SLC35F3: variants seen among roughly 807,000 people sequenced by gnomAD.
SLC35F3 encodes the protein putative thiamine transporter SLC35F3.
SLC35F3 carries 25 observed loss-of-function variants against 49.9 expected under a neutral mutation model. The observed-to-expected ratio is 0.50, with a 90% CI of 0.37 to 0.70. SLC35F3 has a LOEUF of 0.70. Among genes scored for constraint, SLC35F3 ranks in the 30% least tolerant of loss-of-function variants. The pLI is 0.00. For missense variants in SLC35F3, 525 were observed against 639.8 expected, an observed-to-expected ratio of 0.82 and a Z score of 1.94; for synonymous variants, 275 against 265.4, an observed-to-expected ratio of 1.04 and a Z score of -0.35.
intron 2 of SLC35F3, among the ~76,000 whole-genome samples, chr1:234,119,153 T>G (rs920545446): frequency 1.6e-4 from 25 of 151,950 alleles, no homozygotes; most frequent in African/African-American, 5.8e-4. Flanking sequence ...ATGGCAGGGG[T>G]GGGGTGTGTA....
At chr1:234,150,776 G>T (rs1247322825) in intron 2 of SLC35F3, among the ~76,000 whole-genome samples, 1 of 152,200 alleles carries the variant, frequency 6.6e-6, no homozygotes, top group African/African-American at 2.4e-5. Context: ...AAAACCCGAT[G>T]AAAATATATT....
At chr1:234,099,871 T>C (rs1351070773) in intron 2 of SLC35F3, among the ~76,000 whole-genome samples, 1 of 152,214 alleles carries the variant, frequency 6.6e-6, no homozygotes, top group Non-Finnish European at 1.5e-5. Context: ...GTGAGTTTGA[T>C]ATTGCAAGCC....
intron 2 of SLC35F3, among the ~76,000 whole-genome samples, chr1:234,184,716 A>T (rs1666608753): frequency 6.6e-6 from 1 of 152,108 alleles, no homozygotes. Flanking sequence ...GGAACTGAGG[A>T]CTCAGCTCCG....
chr1:234,239,623 T>C lies in SLC35F3; in HGVS notation c.608+7882T>C, dbSNP rs186452318. Reference sequence around the variant, plus strand: ...CCTGTGCTCTGCAGCCTCAGACCTCTCCAGAAATACTACTAGGAAAGAAGT... The same window carrying C: ...CCTGTGCTCTGCAGCCTCAGACCTCCCCAGAAATACTACTAGGAAAGAAGT... On this transcript the variant is annotated intron_variant, in intron 3 of 7. Coordinates refer to ENST00000366618, the MANE Select transcript of SLC35F3 (RefSeq NM_173508.4). Among the ~76,000 whole-genome samples, 38 of 152,334 alleles carry C rather than the reference T, an allele frequency of 2.5e-4. 1 individual carries two copies. The highest frequency in any genetic ancestry group is 7.7e-4 in the African/African-American group (32 of 41,580).
At chr1:234,002,379 T>C (rs1663567108) in intron 2 of SLC35F3, among the ~76,000 whole-genome samples, 2 of 152,184 alleles carry the variant, frequency 1.3e-5, no homozygotes, top group Non-Finnish European at 2.9e-5. Flanking sequence ...TCATGTCCCC[T>C]TAGATTCCTC....
chr1:234,140,002 A>AATAAAATAAATAAAATAAAAAAAT, intron 2 of SLC35F3, among the ~76,000 whole-genome samples: 1 of 105,364 alleles, frequency 9.5e-6, no homozygotes, highest in Non-Finnish European at 2.4e-5. Flanking sequence ...AATAAAATAA[A>AATAAAATAAATAAAATAAAAAAAT]GTAAGTGACT....
chr1:234,104,922 T>C (rs1362856598), intron 2 of SLC35F3, among the ~76,000 whole-genome samples: 1 of 151,864 alleles, frequency 6.6e-6, no homozygotes, highest in African/African-American at 2.4e-5. Flanking sequence ...CGGGGTCAGG[T>C]GTTTGAGACC....
At chr1:233,930,278 T>C (rs192333206) in intron 2 of SLC35F3, among the ~76,000 whole-genome samples, 3 of 152,080 alleles carry the variant, frequency 2.0e-5, no homozygotes, top group Admixed American at 2.0e-4. Flanking sequence ...GGATGTAGAG[T>C]TATTTATTCT....
At chr1:234,278,634 G>A (rs1668253743) in intron 3 of SLC35F3, among the ~76,000 whole-genome samples, 2 of 152,304 alleles carry the variant, frequency 1.3e-5, no homozygotes, top group South Asian at 2.1e-4. Context: ...CATAGACTGG[G>A]TGGCTTTGAC....
intron 3 of SLC35F3, among the ~76,000 whole-genome samples, chr1:234,296,923 AT>A (rs1475521945): frequency 6.6e-6 from 1 of 152,172 alleles, no homozygotes; most frequent in African/African-American, 2.4e-5. Flanking sequence ...TTGAACTTAC[AT>A]TTTCTTTTAA....
intron 2 of SLC35F3, among the ~76,000 whole-genome samples, chr1:234,019,285 A>G (rs1287216855): frequency 1.3e-5 from 2 of 151,900 alleles, no homozygotes; most frequent in African/African-American, 4.8e-5. Flanking sequence ...GTCTGAGGTC[A>G]CTCCCTATAT....
At chr1:234,081,262 A>G (rs915827022) in intron 2 of SLC35F3, among the ~76,000 whole-genome samples, 19 of 152,266 alleles carry the variant, frequency 1.2e-4, no homozygotes, top group African/African-American at 4.6e-4. Context: ...ACATTTTATC[A>G]TAGATCTAAT....
chr1:234,053,245 G>A (rs2102858615), intron 2 of SLC35F3, among the ~76,000 whole-genome samples: 1 of 152,280 alleles, frequency 6.6e-6, no homozygotes, highest in African/African-American at 2.4e-5. Context: ...GGGTGTTAAA[G>A]TCTCCCATTA....
intron 2 of SLC35F3, among the ~76,000 whole-genome samples, chr1:233,994,495 G>A (rs1389862509): frequency 2.6e-5 from 4 of 152,094 alleles, no homozygotes; most frequent in East Asian, 1.9e-4. Flanking sequence ...TAGGAACACC[G>A]GCCTGTTTTC....
intron 2 of SLC35F3, among the ~76,000 whole-genome samples, chr1:234,133,510 A>G (rs1665763497): frequency 6.6e-6 from 1 of 152,218 alleles, no homozygotes; most frequent in Admixed American, 6.5e-5. Context: ...GATGACCAAC[A>G]GAGGCATCTG....
chr1:233,962,439 C>G (rs1444274282), intron 2 of SLC35F3, among the ~76,000 whole-genome samples: 1 of 152,204 alleles, frequency 6.6e-6, no homozygotes, highest in East Asian at 1.9e-4. Flanking sequence ...TCTCCGTGCA[C>G]ACATTTAACA....
chr1:234,131,965 G>A (rs1216189634), intron 2 of SLC35F3, among the ~76,000 whole-genome samples: 3 of 152,184 alleles, frequency 2.0e-5, no homozygotes, highest in Non-Finnish European at 2.9e-5. Context: ...TAAACTTCGG[G>A]GAGTGGAGTG....
At chr1:233,917,185 C>T (rs570960024) in intron 2 of SLC35F3, among the ~76,000 whole-genome samples, 38 of 152,238 alleles carry the variant, frequency 2.5e-4, no homozygotes, top group East Asian at 1.2e-3. Context: ...TCACAGGTCC[C>T]GTAAATGTCT....
At chr1:234,164,567 A>G (rs1666284249) in intron 2 of SLC35F3, among the ~76,000 whole-genome samples, 1 of 152,130 alleles carries the variant, frequency 6.6e-6, no homozygotes, top group Non-Finnish European at 1.5e-5. Context: ...GCTTGCACAG[A>G]CAGTGATACT....
Sources: gnomAD v4.1 joint callset for allele counts (sites outside exome capture counted in the v4.1 genomes callset) on GRCh38, gnomAD v4.1.1 for gene constraint, MANE v1.5 for transcripts, NCBI Gene and HGNC (gene_info 2026-07-23, HGNC 2026-07-21) for gene names.